The following TPP2 variants were observed in gnomAD, a reference collection of about 807,000 sequenced individuals.
TPP2 encodes the protein tripeptidyl peptidase 2.
In TPP2, 34 loss-of-function variants were observed where a neutral mutation model predicts 155.9. The ratio of observed to expected loss-of-function variants is 0.22; its 90% confidence interval spans 0.17 to 0.29. The LOEUF (loss-of-function observed/expected upper bound fraction) is 0.29, where lower values mean the gene tolerates loss of function less well. TPP2 is among the 10% of genes least tolerant of loss of function. TPP2 has a pLI of 1.00. For missense variants in TPP2, 1,028 were observed against 1,522.3 expected, an observed-to-expected ratio of 0.68 and a Z score of 5.40; for synonymous variants, 510 against 529.4, an observed-to-expected ratio of 0.96 and a Z score of 0.50.
chr13:102,600,499 G>A (rs1303375094), intron 1 of TPP2, among the ~76,000 whole-genome samples: 1 of 150,124 alleles, frequency 6.7e-6, no homozygotes, highest in Non-Finnish European at 1.5e-5. Context: ...TAGGCTTTTT[G>A]TCTCTTTGCT....
chr13:102,656,136 A>G (rs1465973724), intron 24 of TPP2, among the ~76,000 whole-genome samples: 1 of 151,760 alleles, frequency 6.6e-6, no homozygotes, highest in South Asian at 2.1e-4. Context: ...TCTATAATCT[A>G]TTTTCCAAAT....
intron 3 of TPP2, among the ~76,000 whole-genome samples, chr13:102,615,494 G>A (rs9557891): frequency 0.25 from 37,917 of 152,144 alleles, 5,306 homozygotes; most frequent in East Asian, 0.45. Flanking sequence ...TTGATAAGAT[G>A]TGATTTAATA....
intron 9 of TPP2, 72 bp downstream of exon 9, chr13:102,629,681 A>G (rs1649883000): frequency 6.6e-7 from 1 of 1,505,920 alleles, no homozygotes; most frequent in Non-Finnish European, 8.8e-7. Context: ...ATGAAATGTT[A>G]CCTGTATCTC....
Position 102,646,344 on chromosome 13 carries a change from A to G in TPP2, c.2444A>G (p.Asn815Ser), listed in dbSNP as rs1883101651. The change falls in exon 20 of 30, where the codon AAT becomes AGT. Residue 815 changes from asparagine (N) to serine (S), a missense_variant. Physicochemically the swap from Asn to Ser is conservative, Grantham distance 46 (BLOSUM62 1). Transcript: ENST00000376052. ...KPLGSRDVLP[N>S]NRQLYEMVLT... ...TTAGGATCAAGAGATGTTTTGCCAA[A>G]TAACCGTCAACTTTATGAGATGGTC... The G allele has an allele frequency of 6.2e-7, 1 of 1,613,222 alleles. No homozygotes were observed. Among genetic ancestry groups the G allele is most frequent in the South Asian group, 1.1e-5 (1 of 91,050 alleles).
chr13:102,615,646 A>C (rs1036839966), intron 3 of TPP2, among the ~76,000 whole-genome samples: 2 of 151,960 alleles, frequency 1.3e-5, no homozygotes, highest in African/African-American at 4.8e-5. Flanking sequence ...AAAAAAAAAT[A>C]GGGAGGACAT....
Position 102,644,924 on chromosome 13 carries a change from A to G in TPP2, c.2308A>G (p.Ile770Val). The G allele has an allele frequency of 6.2e-7, 1 of 1,613,976 alleles. No homozygotes were observed. The highest frequency in any genetic ancestry group is 8.5e-7 in the Non-Finnish European group (1 of 1,179,910). ...TCCTTTGTAGCATGCATCGGAAGGA[A>G]TCAACCGCTTTGATGTTCAGTCCTC... ...PQLNIHASEGINRFDVQSSLK... is the reference protein window; with the variant it reads ...PQLNIHASEGVNRFDVQSSLK... Residue 770 changes from isoleucine to valine, a missense_variant, in exon 19 of 30, where the codon ATC becomes GTC. By Grantham distance (29) the Ile-to-Val change is conservative. Coordinates refer to ENST00000376052, the MANE Select transcript of TPP2 (RefSeq NM_001330588.2).
At chr13:102,613,070 T>C (rs1323287503) in intron 2 of TPP2, among the ~76,000 whole-genome samples, 1 of 152,250 alleles carries the variant, frequency 6.6e-6, no homozygotes, top group Non-Finnish European at 1.5e-5. Flanking sequence ...TCCTATTCTT[T>C]AAAGAAGGTT....
At chr13:102,661,467 C>G (rs1056141626) in intron 25 of TPP2, among the ~76,000 whole-genome samples, 3 of 151,832 alleles carry the variant, frequency 2.0e-5, no homozygotes, top group African/African-American at 4.8e-5. Flanking sequence ...AGTCTGGAAC[C>G]CCCGGCCTCA....
rs1313023594 is a variant in TPP2 at position 102,678,346 on chromosome 13, A to G, written c.*30A>G. On this transcript the variant is annotated 3_prime_UTR_variant, in exon 30 of 30. Coordinates refer to ENST00000376052, the MANE Select transcript of TPP2 (RefSeq NM_001330588.2). Reference sequence around the variant, plus strand: ...GGAAACAAGACTTTAAATTTTAAAAAAGGAAGTTTTATAGTGAATGGGTAT... The same window carrying G: ...GGAAACAAGACTTTAAATTTTAAAAGAGGAAGTTTTATAGTGAATGGGTAT... The G allele has an allele frequency of 6.3e-7, 1 of 1,595,938 alleles. No homozygotes were observed. Among genetic ancestry groups the G allele is most frequent in the Non-Finnish European group, 8.5e-7 (1 of 1,173,906 alleles).
At chr13:102,625,208 A>T (rs1595156750) in intron 6 of TPP2, among the ~76,000 whole-genome samples, 1 of 111,968 alleles carries the variant, frequency 8.9e-6, no homozygotes, top group African/African-American at 3.7e-5. Context: ...TCTGTCGCCC[A>T]GGCTGGAGTG....
intron 27 of TPP2, chr13:102,667,664 A>G: frequency 1.3e-6 from 1 of 775,022 alleles, no homozygotes; most frequent in Non-Finnish European, 1.6e-6. Context: ...TGTAGAATTT[A>G]GATTACGTGA....
chr13:102,663,798 G>T, intron 26 of TPP2, 54 bp downstream of exon 26: 1 of 1,354,150 alleles, frequency 7.4e-7, no homozygotes, highest in African/African-American at 1.5e-5. Flanking sequence ...ATATAAGTTT[G>T]TGTTTTGAGG....
At chr13:102,601,973 A>G (rs1566313218) in intron 1 of TPP2, among the ~76,000 whole-genome samples, 1 of 152,240 alleles carries the variant, frequency 6.6e-6, no homozygotes, top group Non-Finnish European at 1.5e-5. Flanking sequence ...AAATCCCATT[A>G]GGCTTTTTTC....
At position 102,679,564 on chromosome 13, in the gene TPP2, C is replaced by G. The variant is rs564109213; in HGVS notation, c.*1248C>G. On this transcript the variant is annotated 3_prime_UTR_variant, in exon 30 of 30. Transcript: ENST00000376052. The stretch of plus-strand genomic sequence containing the variant: ...TCACTCCCAACTGTTTCTGCTGTAT[C>G]TCATGAAGTGTTAGAGCGTTTATGA... The G allele has an allele frequency of 1.3e-5, 2 of 152,310 alleles. No individual in the cohort carries two copies. Among genetic ancestry groups the G allele is most frequent in the African/African-American group, 4.8e-5 (2 of 41,562 alleles). 9.4% of individuals were successfully genotyped at this position (152,310 alleles called of 1,614,324 possible).
At chr13:102,644,752 A>G in intron 18 of TPP2, 79 bp downstream of exon 18, 1 of 1,447,232 alleles carries the variant, frequency 6.9e-7, no homozygotes, top group Middle Eastern at 1.8e-4. Flanking sequence ...GTTAGATTTA[A>G]ACTTTAATGA....
Position 102,634,079 on chromosome 13 carries a change from C to A in TPP2, c.1374C>A (p.Gly458=), listed in dbSNP as rs1255698456. 6.2e-7 allele frequency: 1 copy of A among 1,614,090 alleles called. No homozygotes were observed. Among genetic ancestry groups the A allele is most frequent in the South Asian group, 1.1e-5 (1 of 91,084 alleles). The change falls in exon 11 of 30, where the codon GGC becomes GGA. Residue 458 remains glycine, a synonymous_variant. Coordinates refer to ENST00000376052, the MANE Select transcript of TPP2 (RefSeq NM_001330588.2). ...TGTCTTCCCCCAATGCATGTGGAGG[C>A]ATTGCCCTGATCCTTTCAGGTAAGC... ...TSMSSPNACG[G]IALILSGLKA...
intron 2 of TPP2, among the ~76,000 whole-genome samples, chr13:102,610,883 G>A (rs7995787): frequency 0.25 from 37,976 of 152,058 alleles, 5,252 homozygotes; most frequent in East Asian, 0.45. Context: ...AAGATAAAGA[G>A]TATTGCCGTA....
At chr13:102,660,538 G>A (rs961613034) in intron 25 of TPP2, among the ~76,000 whole-genome samples, 1 of 152,194 alleles carries the variant, frequency 6.6e-6, no homozygotes, top group Non-Finnish European at 1.5e-5. Context: ...CTGTGGACCA[G>A]AAGACTTAAT....
At chr13:102,620,462 C>A (rs1881071437) in intron 5 of TPP2, among the ~76,000 whole-genome samples, 1 of 151,944 alleles carries the variant, frequency 6.6e-6, no homozygotes, top group African/African-American at 2.4e-5. Context: ...CTCAGAGATC[C>A]AAAATTTTTT....
Sources: allele counts gnomAD v4.1 joint callset (sites outside exome capture counted in the v4.1 genomes callset), GRCh38; gene constraint gnomAD v4.1.1; transcripts MANE v1.5; gene names NCBI Gene and HGNC (gene_info 2026-07-23, HGNC 2026-07-21).